The following CADPS variants were observed in gnomAD, a reference collection of about 807,000 sequenced individuals.
CADPS encodes calcium-dependent secretion activator 1.
CADPS carries 57 observed loss-of-function variants against 167.3 expected under a neutral mutation model. That is an observed-to-expected ratio of 0.34 (90% CI 0.28 to 0.42). The LOEUF is 0.42. Ranked by LOEUF, CADPS falls within the 20% of genes least tolerant of loss-of-function variation. The pLI, the probability that CADPS is intolerant of heterozygous loss-of-function variation, is 1.00. For missense variants in CADPS, 1,414 were observed against 1,738.1 expected, an observed-to-expected ratio of 0.81 and a Z score of 3.32; for synonymous variants, 676 against 635.3, an observed-to-expected ratio of 1.06 and a Z score of -0.96.
At chr3:62,620,749 G>C (rs558730825) in intron 6 of CADPS, among the ~76,000 whole-genome samples, 2 of 152,150 alleles carry the variant, frequency 1.3e-5, no homozygotes, top group East Asian at 1.9e-4. Context: ...AGCAAATGCA[G>C]CACCCTTTGA....
chr3:62,633,947 T>A (rs1467293444), intron 6 of CADPS, among the ~76,000 whole-genome samples: 3 of 152,222 alleles, frequency 2.0e-5, no homozygotes, highest in Non-Finnish European at 4.4e-5. Flanking sequence ...TACTTCCCCC[T>A]GCTGCCTCTA....
chr3:62,779,770 C>A, intron 1 of CADPS: 1 of 320,016 alleles, frequency 3.1e-6, no homozygotes, highest in Non-Finnish European at 6.1e-6. Flanking sequence ...CCAACCTCCA[C>A]GAAGCTCCTC....
rs2078406903 is a variant in CADPS at position 62,850,818 on chromosome 3, C to T, written c.441+23771G>A. On this transcript the variant is annotated intron_variant, in intron 1 of 29. Coordinates refer to ENST00000383710, the MANE Select transcript of CADPS (RefSeq NM_003716.4). ...CTTGGTGCAGAGCTGAGTTCAATTC[C>T]TGGGTATCCTTGTTGACTTTCTGTC... is the stretch of plus-strand genomic sequence containing the variant. Among the ~76,000 whole-genome samples the T allele has an allele frequency of 2.0e-5, 3 of 151,136 alleles. 1 individual carries two copies. The South Asian group carries it at 6.3e-4, about 32-fold the overall frequency.
At chr3:62,557,271 A>G in intron 10 of CADPS, 134 bp downstream of exon 10, 1 of 683,446 alleles carries the variant, frequency 1.5e-6, no homozygotes. Context: ...TGTGACTGTC[A>G]TGCACACAGC....
At chr3:62,609,232 C>A (rs1188719829) in intron 6 of CADPS, among the ~76,000 whole-genome samples, 1 of 62,312 alleles carries the variant, frequency 1.6e-5, no homozygotes, top group Non-Finnish European at 4.1e-5. Flanking sequence ...TTTTTTTTTT[C>A]TTTTTTGTGA....
At chr3:62,580,508 C>T (rs2083209968) in intron 8 of CADPS, among the ~76,000 whole-genome samples, 1 of 151,424 alleles carries the variant, frequency 6.6e-6, no homozygotes, top group South Asian at 2.1e-4. Context: ...AATGGTGCAG[C>T]ACACCAGCAT....
chr3:62,479,973 G>A (rs1056046600), intron 22 of CADPS, among the ~76,000 whole-genome samples: 1 of 152,040 alleles, frequency 6.6e-6, no homozygotes, highest in Non-Finnish European at 1.5e-5. Context: ...AAATCATTAA[G>A]TACATATGAA....
chr3:62,752,375 C>A (rs775289553), intron 3 of CADPS, among the ~76,000 whole-genome samples: 2 of 152,126 alleles, frequency 1.3e-5, no homozygotes, highest in Non-Finnish European at 2.9e-5. Flanking sequence ...AAAGTAGATA[C>A]CAGCAATATC....
chr3:62,581,599 T>C (rs2083451438), intron 8 of CADPS, among the ~76,000 whole-genome samples: 1 of 152,094 alleles, frequency 6.6e-6, no homozygotes, highest in African/African-American at 2.4e-5. Flanking sequence ...GAGGACTGCC[T>C]GAGCCCAAGA....
Position 62,753,348 on chromosome 3 carries a change from T to C in CADPS, c.888+93A>G. On this transcript the variant is annotated intron_variant, in intron 3 of 29. Transcript: ENST00000383710. The surrounding 1 kb of genome is among the most constrained non-coding windows in gnomAD (Gnocchi z 4.6). ...TAGAGTAATAAAATATAAGTTTTAA[T>C]CCTTTTTTTAAAAAAATCAAGAAGT... 1 of 931,952 alleles carries C rather than the reference T, an allele frequency of 1.1e-6. No homozygotes were observed. The highest frequency in any genetic ancestry group is 1.6e-6 in the Non-Finnish European group (1 of 613,356). 57.7% of individuals were successfully genotyped at this position (931,952 alleles called of 1,614,324 possible).
intron 3 of CADPS, among the ~76,000 whole-genome samples, chr3:62,740,561 C>G (rs3846217): frequency 0.15 from 23,482 of 152,118 alleles, 2,404 homozygotes; most frequent in African/African-American, 0.3. Flanking sequence ...TTTACTCAGC[C>G]TAAACAATTT....
chr3:62,494,818 G>T (rs7355988), intron 18 of CADPS, among the ~76,000 whole-genome samples: 16,344 of 150,996 alleles, frequency 0.11, 1,018 homozygotes, highest in Admixed American at 0.2. Context: ...ATTTTTTTTT[G>T]TTGTTTGTTT....
chr3:62,716,008 G>C (rs1478871384), intron 3 of CADPS, among the ~76,000 whole-genome samples: 3 of 151,890 alleles, frequency 2.0e-5, no homozygotes, highest in Non-Finnish European at 4.4e-5. Flanking sequence ...GCCTCCCAAA[G>C]TGCTGGGATC....
chr3:62,587,963 T>C (rs1644715083), intron 7 of CADPS, among the ~76,000 whole-genome samples: 1 of 152,176 alleles, frequency 6.6e-6, no homozygotes, highest in African/African-American at 2.4e-5. Flanking sequence ...AGACACCTCA[T>C]CTGGACATTC....
rs931122089 is a variant in CADPS at position 62,433,493 on chromosome 3, T to G, written c.3777+4611A>C. Among the ~76,000 whole-genome samples, 1 of 152,178 alleles carries G rather than the reference T, an allele frequency of 6.6e-6. No individual in the cohort carries two copies. The highest frequency in any genetic ancestry group is 1.5e-5 in the Non-Finnish European group (1 of 68,030). ...AAATGCAGAGTCAATCTGCAAATAC[T>G]TAATCCTCCAGAAGGCAGATTAAGT... On this transcript the variant is annotated intron_variant, in intron 28 of 29. Coordinates refer to ENST00000383710, the MANE Select transcript of CADPS (RefSeq NM_003716.4). This position sits in a 1 kb window ranked among gnomAD's most constrained non-coding sequence, Gnocchi z 4.7.
chr3:62,589,071 A>AT (rs34816829), intron 7 of CADPS, among the ~76,000 whole-genome samples: 2 of 151,922 alleles, frequency 1.3e-5, no homozygotes, highest in African/African-American at 2.4e-5. Context: ...ATGTGCATGA[A>AT]TTTTTTTTTA....
chr3:62,848,986 G>T (rs1175696870), intron 1 of CADPS, among the ~76,000 whole-genome samples: 1 of 141,246 alleles, frequency 7.1e-6, no homozygotes, highest in African/African-American at 2.7e-5. Context: ...TCCTTGAAGA[G>T]GTCCTTCACA....
At chr3:62,565,368 C>G (rs768907054) in intron 9 of CADPS, among the ~76,000 whole-genome samples, 1 of 152,178 alleles carries the variant, frequency 6.6e-6, no homozygotes, top group Non-Finnish European at 1.5e-5. Context: ...AGAACATAAA[C>G]TCTAAGATGG....
At position 62,462,894 on chromosome 3, in the gene CADPS, A is replaced by G. The variant is rs151313263; in HGVS notation, c.3636+2473T>C. Among the ~76,000 whole-genome samples the G allele has an allele frequency of 2.3e-3, 348 of 152,324 alleles. 2 individuals carry two copies. Among genetic ancestry groups the G allele is most frequent in the African/African-American group, 7.6e-3 (314 of 41,570 alleles). ...AGATATTCCTGCCACCTCTAAACAC[A>G]GTTCACTTTCTCTAATACTGGAATA... On this transcript the variant is annotated intron_variant, in intron 26 of 29. Coordinates refer to ENST00000383710, the MANE Select transcript of CADPS (RefSeq NM_003716.4).
Sources: gnomAD v4.1 joint callset for allele counts (sites outside exome capture counted in the v4.1 genomes callset) on GRCh38, gnomAD v4.1.1 for gene constraint, Gnocchi (gnomAD v3.1) non-coding constraint, MANE v1.5 for transcripts, NCBI Gene and HGNC (gene_info 2026-07-23, HGNC 2026-07-21) for gene names.